Variants in LAMB3 observed in about 807,000 individuals in gnomAD.
LAMB3 encodes laminin subunit beta 3.
Under a neutral mutation model 140.3 loss-of-function variants are expected in LAMB3, and 104 were observed. The observed-to-expected ratio is 0.74, with a 90% CI of 0.63 to 0.87. The LOEUF (loss-of-function observed/expected upper bound fraction) is 0.87, where lower values mean the gene tolerates loss of function less well. LAMB3 is among the 40% of genes least tolerant of loss of function. The pLI, the probability that LAMB3 is intolerant of heterozygous loss-of-function variation, is 0.00. For missense variants in LAMB3, 1,531 were observed against 1,575.2 expected, an observed-to-expected ratio of 0.97 and a Z score of 0.47; for synonymous variants, 592 against 602.9, an observed-to-expected ratio of 0.98 and a Z score of 0.26.
At position 209,630,742 on chromosome 1, in the gene LAMB3, G is replaced by C. The variant is rs747405176; in HGVS notation, c.823-7C>G. On this transcript the variant is annotated splice_region_variant and splice_polypyrimidine_tract_variant and intron_variant, in intron 8 of 22. Coordinates refer to ENST00000356082, the MANE Select transcript of LAMB3 (RefSeq NM_000228.3). Reference sequence around the variant, plus strand: ...AGACACAGACATCGTGGACCTGGGAGGGGGACCGTCAGCCATCAGGAGTAA... The same window carrying C: ...AGACACAGACATCGTGGACCTGGGACGGGGACCGTCAGCCATCAGGAGTAA... 13 of 1,613,594 alleles carry C rather than the reference G, an allele frequency of 8.1e-6. No homozygotes were observed. Among genetic ancestry groups the C allele is most frequent in the Non-Finnish European group, 1.1e-5 (13 of 1,179,948 alleles).
chr1:209,625,581 A>T lies in LAMB3; in HGVS notation c.1976+67T>A, dbSNP rs1178746315. On this transcript the variant is annotated intron_variant, in intron 14 of 22. Transcript: ENST00000356082. The stretch of plus-strand genomic sequence containing the variant: ...CACTGTACAAATGTAAGGAAGGACC[A>T]GCATGCCCGGTACTGGAACCCCTGG... 6.3e-6 allele frequency: 10 copies of T among 1,578,266 alleles called. No individual in the cohort carries two copies. The African/African-American group carries it at 1.1e-4, about 17-fold the overall frequency.
intron 6 of LAMB3, among the ~76,000 whole-genome samples, chr1:209,634,054 A>G (rs770385463): frequency 2.6e-5 from 4 of 152,206 alleles, no homozygotes; most frequent in Non-Finnish European, 4.4e-5. Flanking sequence ...TTTTTGTGTT[A>G]AACCCTACCA....
intron 22 of LAMB3, among the ~76,000 whole-genome samples, chr1:209,615,655 C>T (rs1297816784): frequency 6.6e-6 from 1 of 152,188 alleles, no homozygotes; most frequent in Admixed American, 6.5e-5. Context: ...GGCCCCTGAC[C>T]CTCTGGGCTC....
In LAMB3 at chr1:209,626,003, T is replaced by A; in HGVS notation, c.1621A>T (p.Thr541Ser). The A allele has an allele frequency of 6.2e-7, 1 of 1,613,088 alleles. No homozygotes were observed. The highest frequency in any genetic ancestry group is 8.5e-7 in the Non-Finnish European group (1 of 1,179,420). Reference protein sequence around the residue: ...CRACDCDFRGTEGPGCDKASG... With the variant: ...CRACDCDFRGSEGPGCDKASG... ...GCCTTGTCGCAGCCCGGGCCCTCTG[T>A]TCCCCGGAAATCACAGTCACAGGCT... Residue 541 changes from threonine (T) to serine (S), a missense_variant, in exon 14 of 23, where the codon ACA becomes TCA. Physicochemically the swap from Thr to Ser is moderately conservative, Grantham distance 58 (BLOSUM62 1). Transcript: ENST00000356082.
rs189457756 is a variant in LAMB3 at position 209,638,154 on chromosome 1, T to A, written c.299-173A>T. On this transcript the variant is annotated intron_variant, in intron 4 of 22. Transcript: ENST00000356082. The stretch of plus-strand genomic sequence containing the variant: ...GTATGTTTCTGCTTATATTATCTAT[T>A]CAAGATCCTATCTGTTTTTGGCTAA... Among the ~76,000 whole-genome samples, 200 of 152,330 alleles carry A rather than the reference T, an allele frequency of 1.3e-3. 1 individual carries two copies. Among genetic ancestry groups the A allele is most frequent in the African/African-American group, 4.5e-3 (186 of 41,582 alleles).
chr1:209,647,235 G>C (rs1032305473), intron 3 of LAMB3, among the ~76,000 whole-genome samples: 2 of 152,260 alleles, frequency 1.3e-5, no homozygotes, highest in Non-Finnish European at 2.9e-5. Flanking sequence ...AACTGAGACA[G>C]AATTGGGTGG....
At position 209,615,196 on chromosome 1, in the gene LAMB3, C is replaced by T; in HGVS notation, c.*75G>A. 7 of 1,596,748 alleles carry T rather than the reference C, an allele frequency of 4.4e-6. No individual in the cohort carries two copies. Among genetic ancestry groups the T allele is most frequent in the Non-Finnish European group, 5.1e-6 (6 of 1,167,512 alleles). ...ATGAAAGTCTCCTGGAGATGGAAAG[C>T]ATTCCAACCCAATCTGCCCCCAACC... On this transcript the variant is annotated 3_prime_UTR_variant, in exon 23 of 23. Transcript: ENST00000356082.
chr1:209,631,144 T>C (rs138623582), intron 8 of LAMB3, among the ~76,000 whole-genome samples: 48 of 152,308 alleles, frequency 3.2e-4, no homozygotes, highest in African/African-American at 1.1e-3. Flanking sequence ...AGTTGTTTGG[T>C]TAATGGAACT....
chr1:209,614,931 C>T lies in LAMB3; in HGVS notation c.*340G>A. On this transcript the variant is annotated 3_prime_UTR_variant, in exon 23 of 23. Coordinates refer to ENST00000356082, the MANE Select transcript of LAMB3 (RefSeq NM_000228.3). Reference sequence around the variant, plus strand: ...ATTTTTATTTGGCTTTTCATTTTTACATCACTTTTGTTAAGTTTTTGTGCT... The same window carrying T: ...ATTTTTATTTGGCTTTTCATTTTTATATCACTTTTGTTAAGTTTTTGTGCT... 2 of 233,634 alleles carry T rather than the reference C, an allele frequency of 8.6e-6. No individual in the cohort carries two copies. The highest frequency in any genetic ancestry group is 2.5e-4 in the South Asian group (2 of 8,014). The allele number at this position is 233,634 out of a possible 1,614,324, so 14.5% of individuals were successfully genotyped here. A position where few individuals can be genotyped will look rare whatever the true frequency, so the allele number is the denominator to read the frequency against.
chr1:209,625,599 AC>A (rs570432943), intron 14 of LAMB3, 48 bp downstream of exon 14: 9 of 1,611,200 alleles, frequency 5.6e-6, no homozygotes, highest in Non-Finnish European at 6.8e-6. Flanking sequence ...CGGTACTGGA[AC>A]CCCTGGAGCA....
At chr1:209,616,264 T>C (rs545113157) in intron 22 of LAMB3, among the ~76,000 whole-genome samples, 3 of 151,958 alleles carry the variant, frequency 2.0e-5, no homozygotes, top group Admixed American at 2.0e-4. Flanking sequence ...TCCCATTAAT[T>C]GCAAGCTTTT....
At chr1:209,618,386 C>G (rs576076380) in intron 19 of LAMB3, 66 bp downstream of exon 19, 57 of 1,505,666 alleles carry the variant, frequency 3.8e-5, no homozygotes, top group Non-Finnish European at 5.1e-5. Context: ...CTCCCAGCAA[C>G]GGGGTTGAGG....
At position 209,623,608 on chromosome 1, in the gene LAMB3, A is replaced by T; in HGVS notation, c.2255T>A (p.Leu752Gln). 2 of 1,614,208 alleles carry T rather than the reference A, an allele frequency of 1.2e-6. No individual in the cohort carries two copies. The highest frequency in any genetic ancestry group is 1.7e-6 in the Non-Finnish European group (2 of 1,180,026). ...LRDSRREAER[L>Q]VRQAGGGGGT... is the part of the protein sequence containing the mutation. ...TCCTCCTCCTCCCGCCTGCCGCACC[A>T]GCCTCTCTGCCTCTCTCCGGCTGTC... The change falls in exon 16 of 23, where the codon CTG (leucine) becomes CAG (glutamine). Residue 752 changes from leucine to glutamine, a missense_variant. Leu to Gln is a moderately radical substitution (Grantham distance 113). Coordinates refer to ENST00000356082, the MANE Select transcript of LAMB3 (RefSeq NM_000228.3). The surrounding 1 kb of genome is among the most constrained non-coding windows in gnomAD (Gnocchi z 4.2).
At chr1:209,630,452 A>C in intron 9 of LAMB3, 163 bp downstream of exon 9, 1 of 821,830 alleles carries the variant, frequency 1.2e-6, no homozygotes, top group Non-Finnish European at 1.9e-6. Flanking sequence ...TACTCTCTCC[A>C]TCCTCACAGA....
chr1:209,617,383 A>G, intron 21 of LAMB3, 27 bp downstream of exon 21: 2 of 1,610,610 alleles, frequency 1.2e-6, no homozygotes, highest in Non-Finnish European at 1.7e-6. Context: ...GCCGTACATC[A>G]TTGAGCTAAC....
At chr1:209,646,195 A>T (rs2076516471) in intron 3 of LAMB3, among the ~76,000 whole-genome samples, 1 of 152,170 alleles carries the variant, frequency 6.6e-6, no homozygotes, top group Admixed American at 6.5e-5. Context: ...CAGGGATGGA[A>T]AGCTTTCCGG....
chr1:209,651,134 C>T, intron 1 of LAMB3, 153 bp from the exon 2 acceptor site: 1 of 666,318 alleles, frequency 1.5e-6, no homozygotes, highest in Non-Finnish European at 2.8e-6. Context: ...ACATTTGTAG[C>T]TTGGAAAATG....
At position 209,618,563 on chromosome 1, in the gene LAMB3, T is replaced by C. The variant is rs1666074810; in HGVS notation, c.2798A>G (p.Asn933Ser). 9 of 1,614,246 alleles carry C rather than the reference T, an allele frequency of 5.6e-6. No homozygotes were observed. The highest frequency in any genetic ancestry group is 7.6e-6 in the Non-Finnish European group (9 of 1,180,042). ...TDSATVLQKM[N>S]EIQAIAARLP... ...CCTGGCTGCAATGGCCTGGATCTCA[T>C]TCATCTTCTGCAGAACAGTAGCTGA... The change falls in exon 19 of 23, where the codon AAT (asparagine) becomes AGT (serine). Residue 933 changes from asparagine to serine, a missense_variant. Physicochemically the swap from Asn to Ser is conservative, Grantham distance 46 (BLOSUM62 1). Coordinates refer to ENST00000356082, the MANE Select transcript of LAMB3 (RefSeq NM_000228.3).
At chr1:209,633,707 G>A (rs1666780614) in intron 6 of LAMB3, among the ~76,000 whole-genome samples, 1 of 152,208 alleles carries the variant, frequency 6.6e-6, no homozygotes, top group South Asian at 2.1e-4. Flanking sequence ...AGGAGGAACT[G>A]CTAAAACCAA....
Sources: allele counts gnomAD v4.1 joint callset (sites outside exome capture counted in the v4.1 genomes callset), GRCh38; gene constraint gnomAD v4.1.1; non-coding constraint Gnocchi (gnomAD v3.1); transcripts MANE v1.5; gene names NCBI Gene and HGNC (gene_info 2026-07-23, HGNC 2026-07-21).